Variants in PBX1 observed in about 807,000 individuals in gnomAD.
The protein encoded by PBX1 is PBX homeobox 1, also known as pre-B-cell leukemia transcription factor 1.
Under a neutral mutation model 53.4 loss-of-function variants are expected in PBX1, and 6 were observed. The observed-to-expected ratio is 0.11, with a 90% CI of 0.06 to 0.22. The LOEUF is 0.22. Among genes scored for constraint, PBX1 ranks in the 10% least tolerant of loss-of-function variants. PBX1 has a pLI of 1.00. For missense variants in PBX1, 251 were observed against 551.4 expected (o/e 0.46, Z 5.46); for synonymous variants, 204 against 212.3 (o/e 0.96, Z 0.34).
chr1:164,789,106 G>T (rs1668356568), intron 2 of PBX1, among the ~76,000 whole-genome samples: 1 of 152,174 alleles, frequency 6.6e-6, no homozygotes, highest in African/African-American at 2.4e-5. Flanking sequence ...TTTAAGCTTT[G>T]CAACCCTCCT....
intron 2 of PBX1, among the ~76,000 whole-genome samples, chr1:164,675,657 A>T (rs1379945016): frequency 6.6e-6 from 1 of 152,100 alleles, no homozygotes; most frequent in Non-Finnish European, 1.5e-5. Context: ...CTTTATGGCT[A>T]CAAGATCCTT....
chr1:164,767,907 G>A (rs1667149821), intron 2 of PBX1, among the ~76,000 whole-genome samples: 1 of 151,830 alleles, frequency 6.6e-6, no homozygotes, highest in Non-Finnish European at 1.5e-5. Flanking sequence ...AATAGAACAA[G>A]ATTTCAAATG....
intron 2 of PBX1, among the ~76,000 whole-genome samples, chr1:164,873,602 G>T (rs1035168827): frequency 6.6e-6 from 1 of 152,184 alleles, no homozygotes; most frequent in Non-Finnish European, 1.5e-5. Context: ...CTGGGAGATG[G>T]GGGGCAGGGG....
Position 164,673,793 on chromosome 1 carries a change from C to T in PBX1, c.265+110482C>T, listed in dbSNP as rs528804175. ...GGGAATGCCGTGATTCCACGCGGAT[C>T]TCTCGGCACATGCTACCCCCAGCCA... On this transcript the variant is annotated intron_variant, in intron 2 of 8. Coordinates refer to ENST00000420696, the MANE Select transcript of PBX1 (RefSeq NM_002585.4). Among the ~76,000 whole-genome samples the T allele has an allele frequency of 1.8e-4, 27 of 152,300 alleles. No individual in the cohort carries two copies. The South Asian group carries it at 5.0e-3, about 28-fold the overall frequency.
intron 2 of PBX1, among the ~76,000 whole-genome samples, chr1:164,780,709 A>G (rs550516660): frequency 7.9e-5 from 12 of 152,168 alleles, no homozygotes; most frequent in Non-Finnish European, 1.6e-4. Context: ...TTAAGTCAGT[A>G]GCTTTCTTGG....
Position 164,610,173 on chromosome 1 carries a change from A to C in PBX1, c.265+46862A>C, listed in dbSNP as rs552474438. On this transcript the variant is annotated intron_variant, in intron 2 of 8. Transcript: ENST00000420696. ...CCAAATCCCTGCTTGCCATCAGCCC[A>C]ATGCAGCAGGCTCTGGTGCCAACCA... 1.6e-3 allele frequency among the ~76,000 whole-genome samples: 240 copies of C among 152,262 alleles called. 3 individuals are homozygous for C. The highest frequency in any genetic ancestry group is 5.7e-3 in the African/African-American group (235 of 41,554).
rs373571304 is a variant in PBX1, at chr1:164,771,080, C to A, written c.266-21414C>A. 2.4e-4 allele frequency: 36 copies of A among 152,288 alleles called. 1 individual carries two copies. Among genetic ancestry groups the A allele is most frequent in the African/African-American group, 8.4e-4 (35 of 41,554 alleles). 9.4% of individuals were successfully genotyped at this position (152,288 alleles called of 1,614,324 possible). A position where few individuals can be genotyped will look rare whatever the true frequency, so the allele number is the denominator to read the frequency against. ...CTAAAAACCTTGAAGATATGGAATA[C>A]TTCCTGCCTACATCTTCAACTCAGA... On this transcript the variant is annotated intron_variant, in intron 2 of 8. Transcript: ENST00000420696.
chr1:164,679,316 G>A (rs1424970044), intron 2 of PBX1, among the ~76,000 whole-genome samples: 1 of 152,184 alleles, frequency 6.6e-6, no homozygotes, highest in African/African-American at 2.4e-5. Flanking sequence ...CACTGCGGAA[G>A]GATGAAGACA....
intron 2 of PBX1, among the ~76,000 whole-genome samples, chr1:164,878,890 A>G (rs1233107106): frequency 1.3e-5 from 2 of 152,216 alleles, no homozygotes; most frequent in Non-Finnish European, 2.9e-5. Context: ...AAGACAAGGA[A>G]TCTTTGAAGA....
rs898146104 is a variant in PBX1 at position 164,850,580 on chromosome 1, G to A, written c.*3904G>A. On this transcript the variant is annotated 3_prime_UTR_variant, in exon 9 of 9. Coordinates refer to ENST00000420696, the MANE Select transcript of PBX1 (RefSeq NM_002585.4). ...TTCTTCAATATGTATACAAGGTGAT[G>A]TGAAAAGATGACTTGGGCAGAGGAG... is the stretch of plus-strand genomic sequence containing the variant. 2.1e-5 allele frequency: 4 copies of A among 191,782 alleles called. No homozygotes were observed. The highest frequency in any genetic ancestry group is 3.3e-5 in the Non-Finnish European group (3 of 91,762). 11.9% of individuals were successfully genotyped at this position (191,782 alleles called of 1,614,324 possible).
intron 2 of PBX1, among the ~76,000 whole-genome samples, chr1:164,747,679 C>T (rs2102184308): frequency 6.6e-6 from 1 of 152,162 alleles, no homozygotes; most frequent in South Asian, 2.1e-4. Context: ...AGGGTTAGAG[C>T]AACTGTAAAA....
chr1:164,609,491 A>G (rs1656769437), intron 2 of PBX1, among the ~76,000 whole-genome samples: 1 of 152,164 alleles, frequency 6.6e-6, no homozygotes, highest in Non-Finnish European at 1.5e-5. Flanking sequence ...TCCTGTCGCC[A>G]CACCCTTCTT....
chr1:164,702,519 G>A (rs977329), intron 2 of PBX1, among the ~76,000 whole-genome samples: 34,769 of 152,100 alleles, frequency 0.23, 4,230 homozygotes, highest in East Asian at 0.45. Flanking sequence ...GGGCTTCAGT[G>A]TGAGTGAGTG....
At chr1:164,794,141 CTGGGATTATAGG>C in intron 3 of PBX1, among the ~76,000 whole-genome samples, 2 of 152,108 alleles carry the variant, frequency 1.3e-5, no homozygotes, top group East Asian at 3.9e-4. Flanking sequence ...TTCTAAAGTG[CTGGGATTATAGG>C]CGTGAGCCAC....
intron 2 of PBX1, among the ~76,000 whole-genome samples, chr1:164,650,855 C>T (rs903358117): frequency 1.3e-5 from 2 of 152,026 alleles, no homozygotes; most frequent in African/African-American, 4.8e-5. Flanking sequence ...ATTTCAGATC[C>T]TTCTCCACCA....
At chr1:164,604,183 C>T (rs1317379648) in intron 2 of PBX1, among the ~76,000 whole-genome samples, 2 of 152,112 alleles carry the variant, frequency 1.3e-5, no homozygotes, top group South Asian at 2.1e-4. Context: ...TCAGGCAATC[C>T]GCCTGCCTCA....
At chr1:164,753,678 G>C (rs1376333775) in intron 2 of PBX1, among the ~76,000 whole-genome samples, 3 of 152,200 alleles carry the variant, frequency 2.0e-5, no homozygotes, top group African/African-American at 4.8e-5. Flanking sequence ...AATGAGAGTG[G>C]CTTCTCCTTC....
At chr1:164,699,652 G>T (rs1373825877) in intron 2 of PBX1, among the ~76,000 whole-genome samples, 2 of 152,132 alleles carry the variant, frequency 1.3e-5, no homozygotes, top group Non-Finnish European at 2.9e-5. Context: ...AGGACGGAGG[G>T]GAAATCACTT....
chr1:164,675,989 G>T (rs1661414285), intron 2 of PBX1, among the ~76,000 whole-genome samples: 1 of 152,102 alleles, frequency 6.6e-6, no homozygotes, highest in Non-Finnish European at 1.5e-5. Context: ...TGCTGTTAGG[G>T]CTATGCCCTT....
Sources: gnomAD v4.1 joint callset for allele counts (sites outside exome capture counted in the v4.1 genomes callset) on GRCh38, gnomAD v4.1.1 for gene constraint, MANE v1.5 for transcripts, NCBI Gene and HGNC (gene_info 2026-07-23, HGNC 2026-07-21) for gene names.